RTL4: variants seen among roughly 807,000 people sequenced by gnomAD.
RTL4 encodes retrotransposon Gag like 4.
RTL4 carries 4 observed loss-of-function variants against 5.3 expected under a neutral mutation model. That is an observed-to-expected ratio of 0.75 (90% CI 0.37 to 1.72). RTL4 has a LOEUF of 1.72. RTL4 is among the 40% of genes most tolerant of loss of function. The pLI is 0.04. For missense variants in RTL4, 260 were observed against 227.1 expected (o/e 1.14, Z -0.93); for synonymous variants, 98 against 87.3 (o/e 1.12, Z -0.68).
At chrX:112,118,903 G>A in the RTL4 span, among the ~76,000 whole-genome samples, 1 of 110,636 alleles carries the variant, frequency 9.0e-6, no homozygotes, top group Non-Finnish European at 1.9e-5. Context: ...TTTATTTTCC[G>A]AGATGGAGTC....
chrX:112,264,555 T>C, the RTL4 span, among the ~76,000 whole-genome samples: 13 of 112,524 alleles, frequency 1.2e-4, no homozygotes, highest in Non-Finnish European at 2.1e-4. Flanking sequence ...TGTATGTGTT[T>C]GTGTGTATAT....
At chrX:112,189,348 G>A in the RTL4 span, among the ~76,000 whole-genome samples, 108 of 111,631 alleles carry the variant, frequency 9.7e-4, 2 homozygotes, top group African/African-American at 3.2e-3. Flanking sequence ...TTTAAAAAGG[G>A]CATTTATTTG....
the RTL4 span, among the ~76,000 whole-genome samples, chrX:112,443,558 G>A: frequency 8.9e-6 from 1 of 111,933 alleles, no homozygotes; most frequent in Non-Finnish European, 1.9e-5. Flanking sequence ...CATCAACAGT[G>A]CACAAGGTTC....
chrX:112,141,465 C>G, the RTL4 span, among the ~76,000 whole-genome samples: 1 of 111,496 alleles, frequency 9.0e-6, no homozygotes, highest in African/African-American at 3.3e-5. Flanking sequence ...TTCCTGATCT[C>G]AGGGGAAAAA....
chrX:112,161,872 TC>T, the RTL4 span, among the ~76,000 whole-genome samples: 49 of 42,569 alleles, frequency 1.2e-3, no homozygotes, highest in East Asian at 3.7e-3. Context: ...TTTCTTTCTT[TC>T]CTTCTTTCTT....
At chrX:112,403,196 G>A in the RTL4 span, among the ~76,000 whole-genome samples, 2 of 111,267 alleles carry the variant, frequency 1.8e-5, no homozygotes, top group Non-Finnish European at 3.8e-5. Context: ...TCACAGTTTG[G>A]CCCTTCTTTC....
the RTL4 span, among the ~76,000 whole-genome samples, chrX:112,411,180 C>T: frequency 9.0e-6 from 1 of 111,280 alleles, no homozygotes; most frequent in Non-Finnish European, 1.9e-5. Flanking sequence ...TGGGAACAGA[C>T]CAATAACAAG....
the RTL4 span, among the ~76,000 whole-genome samples, chrX:112,414,470 T>C: frequency 1.8e-5 from 2 of 111,684 alleles, no homozygotes; most frequent in Non-Finnish European, 3.8e-5. Context: ...GTTATTCCCT[T>C]TGGTCCATCT....
At chrX:112,146,084 T>G in the RTL4 span, among the ~76,000 whole-genome samples, 1 of 112,101 alleles carries the variant, frequency 8.9e-6, no homozygotes, top group Non-Finnish European at 1.9e-5. Context: ...CAAGAGTGAA[T>G]TCAGGGAGAT....
At chrX:112,442,415 AT>A in the RTL4 span, among the ~76,000 whole-genome samples, 170 of 96,909 alleles carry the variant, frequency 1.8e-3, no homozygotes, top group Admixed American at 1.6e-3. Context: ...TAATTTTTGT[AT>A]TTTTTTTTTT....
the RTL4 span, among the ~76,000 whole-genome samples, chrX:112,225,212 G>A: frequency 9.0e-6 from 1 of 111,243 alleles, no homozygotes; most frequent in South Asian, 3.8e-4. Context: ...TGCATTCCAC[G>A]CTCCAAACCT....
At chrX:112,203,024 G>A in the RTL4 span, among the ~76,000 whole-genome samples, 5 of 111,120 alleles carry the variant, frequency 4.5e-5, no homozygotes, top group Non-Finnish European at 9.4e-5. Context: ...TAATAATGTC[G>A]AACATCTTTT....
the RTL4 span, among the ~76,000 whole-genome samples, chrX:112,144,505 A>T: frequency 9.0e-6 from 1 of 111,300 alleles, no homozygotes; most frequent in South Asian, 3.8e-4. Context: ...TTTGAGAACC[A>T]CTGAGTTCTC....
the RTL4 span, among the ~76,000 whole-genome samples, chrX:112,281,182 T>C: frequency 1.8e-5 from 2 of 112,167 alleles, no homozygotes; most frequent in East Asian, 5.6e-4. Context: ...CAACATTCTA[T>C]CTGTACTTTT....
the RTL4 span, among the ~76,000 whole-genome samples, chrX:112,378,256 G>C: frequency 9.0e-6 from 1 of 111,177 alleles, no homozygotes; most frequent in African/African-American, 3.3e-5. Context: ...TACCAAGCTT[G>C]GTTCATAGAT....
the RTL4 span, among the ~76,000 whole-genome samples, chrX:112,335,127 C>T: frequency 2.7e-4 from 30 of 111,708 alleles, no homozygotes; most frequent in Non-Finnish European, 4.7e-4. Context: ...CTGAATGAAG[C>T]GTTTTTGAAA....
chrX:112,357,243 CAA>C, the RTL4 span, among the ~76,000 whole-genome samples: 2 of 100,865 alleles, frequency 2.0e-5, no homozygotes. Flanking sequence ...ACTACTTCAC[CAA>C]AAAAAAAAAG....
At chrX:112,306,813 A>G in the RTL4 span, among the ~76,000 whole-genome samples, 1 of 111,338 alleles carries the variant, frequency 9.0e-6, no homozygotes, top group Non-Finnish European at 1.9e-5. Context: ...AGGAAACTCT[A>G]CGCTCAAGGG....
chrX:112,101,106 TA>T, the RTL4 span, among the ~76,000 whole-genome samples: 1 of 111,897 alleles, frequency 8.9e-6, no homozygotes, highest in Non-Finnish European at 1.9e-5. Context: ...CATGAAACGT[TA>T]AAAAAATTTT....
Sources: allele counts gnomAD v4.1 joint callset (sites outside exome capture counted in the v4.1 genomes callset), GRCh38; gene constraint gnomAD v4.1.1; transcripts MANE v1.5; gene names NCBI Gene and HGNC (gene_info 2026-07-23, HGNC 2026-07-21).